The following RITA1 variants were observed in gnomAD, a reference collection of about 807,000 sequenced individuals.
The protein encoded by RITA1 is RBPJ interacting and tubulin associated 1, also known as RBPJ-interacting and tubulin-associated protein 1.
RITA1 carries 15 observed loss-of-function variants against 8.7 expected under a neutral mutation model. The observed-to-expected ratio is 1.72, with a 90% confidence interval of 1.15 to 2.65. The LOEUF (loss-of-function observed/expected upper bound fraction) is 2.65. RITA1 is among the 30% of genes most tolerant of loss of function. The pLI is 0.00. For missense variants in RITA1, 330 were observed against 363.8 expected (o/e 0.91, Z 0.76); for synonymous variants, 145 against 156.2 (o/e 0.93, Z 0.53).
At position 113,186,166 on chromosome 12, in the gene RITA1, T is replaced by G. The variant is rs1952534372; in HGVS notation, c.-196-19T>G. ...AAGTACACAAGCTCTGGACTCAGATTTCACTTCCACCGTTTTAGCTTTATA... is the reference window on the plus strand; with the variant it reads ...AAGTACACAAGCTCTGGACTCAGATGTCACTTCCACCGTTTTAGCTTTATA... On this transcript the variant is annotated intron_variant, in intron 1 of 3. Transcript: ENST00000548278. 7.2e-7 allele frequency: 1 copy of G among 1,398,196 alleles called. No individual in the cohort carries two copies. The highest frequency in any genetic ancestry group is 9.7e-7 in the Non-Finnish European group (1 of 1,032,184). The allele number at this position is 1,398,196 out of a possible 1,614,324, so 86.6% of individuals were successfully genotyped here. A position where few individuals can be genotyped will look rare whatever the true frequency, so the allele number is the denominator to read the frequency against.
intron 2 of RITA1, 138 bp downstream of exon 2, chr12:113,186,454 G>T: frequency 7.3e-7 from 1 of 1,362,012 alleles, no homozygotes; most frequent in South Asian, 1.7e-5. Context: ...CTCCTTCACC[G>T]CCAGAGTCAT....
At chr12:113,188,655 T>C (rs1400001665) in intron 3 of RITA1, among the ~76,000 whole-genome samples, 3 of 152,024 alleles carry the variant, frequency 2.0e-5, no homozygotes, top group African/African-American at 7.2e-5. Flanking sequence ...TCATTTTTTT[T>C]TAATCCTTCA....
In RITA1 at chr12:113,185,754, A is replaced by G. The variant is rs11544008; in HGVS notation, c.-464A>G. The G allele has an allele frequency of 3.4e-6, 2 of 584,496 alleles. No homozygotes were observed. Among genetic ancestry groups the G allele is most frequent in the Non-Finnish European group, 5.9e-6 (2 of 337,576 alleles). The allele number at this position is 584,496 out of a possible 1,614,324, so 36.2% of individuals were successfully genotyped here. ...TGGCTGCTCCCTGGTTGCTGGGTGC[A>G]AAGTGCTGGGTTCTGGGTTTCTGGA... is the stretch of plus-strand genomic sequence containing the variant. On this transcript the variant is annotated 5_prime_UTR_variant, in exon 1 of 4. Transcript: ENST00000548278.
chr12:113,190,766 C>T (rs1190936315), intron 3 of RITA1, among the ~76,000 whole-genome samples: 1 of 152,230 alleles, frequency 6.6e-6, no homozygotes, highest in African/African-American at 2.4e-5. Context: ...ATGTGGGGCT[C>T]CTGTAACAGG....
chr12:113,188,745 TTAGGATCCCCTACCC>T lies in RITA1; in HGVS notation c.302+1699_302+1713del, dbSNP rs1284773640. On this transcript the variant is annotated intron_variant, in intron 3 of 3. Transcript: ENST00000548278. ...TCATAAGGACACCAGTTCTATTGGA[TTAGGATCCCCTACCC>T]TTATAATGTTATTTAGCCTTAGTTA... is the stretch of plus-strand genomic sequence containing the variant. Among the ~76,000 whole-genome samples the T allele has an allele frequency of 6.0e-5, 9 of 149,612 alleles. No homozygotes were observed. In the South Asian group the frequency reaches 1.9e-3, roughly 32 times the overall value.
chr12:113,186,083 G>A lies in RITA1; in HGVS notation c.-197+62G>A, dbSNP rs558557474. The stretch of plus-strand genomic sequence containing the variant: ...ACTTTTTAATCGGGTCATTGATTTG[G>A]GAGTCGCAGAATGTGGGGCGGTGGG... On this transcript the variant is annotated intron_variant, in intron 1 of 3. Transcript: ENST00000548278. 2.0e-5 allele frequency: 30 copies of A among 1,535,366 alleles called. No individual in the cohort carries two copies. The African/African-American group carries it at 3.3e-4, about 17-fold the overall frequency.
Position 113,191,066 on chromosome 12 carries a change from T to C in RITA1, c.303-244T>C, listed in dbSNP as rs562101973. On this transcript the variant is annotated intron_variant, in intron 3 of 3. Coordinates refer to ENST00000548278, the MANE Select transcript of RITA1 (RefSeq NM_032848.3). The surrounding 1 kb of genome is among the most constrained non-coding windows in gnomAD (Gnocchi z 4.0). The stretch of plus-strand genomic sequence containing the variant: ...AAATTGTCCAGGCCTGGGGCACATG[T>C]CTGGGAATGGGGTCAGGATGCAGGG... 5.3e-5 allele frequency among the ~76,000 whole-genome samples: 8 copies of C among 152,236 alleles called. No homozygotes were observed. Among genetic ancestry groups the C allele is most frequent in the African/African-American group, 1.4e-4 (6 of 41,536 alleles).
intron 3 of RITA1, among the ~76,000 whole-genome samples, chr12:113,188,467 G>A (rs1337783010): frequency 1.3e-5 from 2 of 151,884 alleles, no homozygotes; most frequent in African/African-American, 2.4e-5. Context: ...TTGGCCTCCC[G>A]AAGTGCTGGG....
chr12:113,188,428 T>C (rs1419556017), intron 3 of RITA1, among the ~76,000 whole-genome samples: 1 of 151,942 alleles, frequency 6.6e-6, no homozygotes, highest in Admixed American at 6.6e-5. Context: ...AGGCTGATCT[T>C]GAACTCCCGA....
chr12:113,185,946 G>A lies in RITA1; in HGVS notation c.-272G>A, dbSNP rs976228229. On this transcript the variant is annotated 5_prime_UTR_variant, in exon 1 of 4. Coordinates refer to ENST00000548278, the MANE Select transcript of RITA1 (RefSeq NM_032848.3). ...CGCGCGCCCCCGCGCCCTCACCGAC[G>A]GGTCCAGACCTGGTGGGAAGAAGGT... The A allele has an allele frequency of 3.9e-6, 6 of 1,520,412 alleles. No homozygotes were observed. The African/African-American group carries it at 6.9e-5, about 17-fold the overall frequency. 94.2% of individuals were successfully genotyped at this position (1,520,412 alleles called of 1,614,324 possible).
intron 3 of RITA1, among the ~76,000 whole-genome samples, chr12:113,188,573 G>A (rs1457913036): frequency 6.6e-6 from 1 of 151,914 alleles, no homozygotes; most frequent in Non-Finnish European, 1.5e-5. Context: ...TGGCAGGTTT[G>A]GTTTCTCCTG....
Position 113,191,807 on chromosome 12 carries a change from C to G in RITA1, c.800C>G (p.Pro267Arg). The change falls in exon 4 of 4, where the codon CCT becomes CGT. Residue 267 changes from proline (P) to arginine (R), a missense_variant. Transcript: ENST00000548278. The surrounding 1 kb of genome is among the most constrained non-coding windows in gnomAD (Gnocchi z 4.0). Reference sequence around the variant, plus strand: ...GGGGCCACCCAGAAACCAAAGCCCCCTTGGAAATGATACTCTTTCATCAGG... The same window carrying G: ...GGGGCCACCCAGAAACCAAAGCCCCGTTGGAAATGATACTCTTTCATCAGG... ...RGGATQKPKP[P>R]WK is the part of the protein sequence containing the mutation. The G allele has an allele frequency of 6.2e-7, 1 of 1,600,968 alleles. No individual in the cohort carries two copies. The highest frequency in any genetic ancestry group is 8.5e-7 in the Non-Finnish European group (1 of 1,172,338).
At position 113,191,605 on chromosome 12, in the gene RITA1, C is replaced by G; in HGVS notation, c.598C>G (p.His200Asp). The change falls in exon 4 of 4, where the codon CAT (histidine) becomes GAT (aspartate). Residue 200 changes from histidine to aspartate, a missense_variant. His to Asp is a moderately conservative substitution (Grantham distance 81). Coordinates refer to ENST00000548278, the MANE Select transcript of RITA1 (RefSeq NM_032848.3). The surrounding 1 kb of genome is among the most constrained non-coding windows in gnomAD (Gnocchi z 4.0). ...ACGCCCCCTGAAGCGGGGACTTTCCCATTCCCTCACCCACCTGAATGTCCC... is the reference window on the plus strand; with the variant it reads ...ACGCCCCCTGAAGCGGGGACTTTCCGATTCCCTCACCCACCTGAATGTCCC... ...SSRPLKRGLS[H>D]SLTHLNVPST... The G allele has an allele frequency of 6.2e-7, 1 of 1,614,148 alleles. No homozygotes were observed. Among genetic ancestry groups the G allele is most frequent in the East Asian group, 2.2e-5 (1 of 44,882 alleles).
Position 113,186,159 on chromosome 12 carries a change from C to T in RITA1, c.-196-26C>T, listed in dbSNP as rs1952534232. 5.0e-6 allele frequency: 7 copies of T among 1,408,192 alleles called. 1 individual carries two copies. The South Asian group carries it at 7.6e-5, about 15-fold the overall frequency. 87.2% of individuals were successfully genotyped at this position (1,408,192 alleles called of 1,614,324 possible). ...TGTAGCCAAGTACACAAGCTCTGGA[C>T]TCAGATTTCACTTCCACCGTTTTAG... On this transcript the variant is annotated intron_variant, in intron 1 of 3. Transcript: ENST00000548278.
At chr12:113,190,627 A>G (rs1952589883) in intron 3 of RITA1, among the ~76,000 whole-genome samples, 1 of 152,218 alleles carries the variant, frequency 6.6e-6, no homozygotes, top group African/African-American at 2.4e-5. Context: ...CCACTTGAAC[A>G]ACAGAGTGAG....
Position 113,191,127 on chromosome 12 carries a change from C to CG in RITA1, c.303-178dup, listed in dbSNP as rs1420809610. Among the ~76,000 whole-genome samples, 1 of 152,070 alleles carries CG rather than the reference C, an allele frequency of 6.6e-6. No homozygotes were observed. Among genetic ancestry groups the CG allele is most frequent in the Non-Finnish European group, 1.5e-5 (1 of 68,026 alleles). On this transcript the variant is annotated intron_variant, in intron 3 of 3. Coordinates refer to ENST00000548278, the MANE Select transcript of RITA1 (RefSeq NM_032848.3). This position sits in a 1 kb window ranked among gnomAD's most constrained non-coding sequence, Gnocchi z 4.0. ...TTTCGCAGGGAAAATCAGCAGAGAC[C>CG]GGGGGCAGTGGTGCTTAAGAGGCTG...
intron 3 of RITA1, among the ~76,000 whole-genome samples, chr12:113,188,879 C>G (rs776788019): frequency 7.8e-6 from 1 of 127,468 alleles, no homozygotes; most frequent in Non-Finnish European, 1.6e-5. Context: ...GGCACCATCT[C>G]GGATCACTGC....
In RITA1 at chr12:113,191,837, C is replaced by T. The variant is rs1335222686; in HGVS notation, c.*20C>T. 1.3e-6 allele frequency: 2 copies of T among 1,573,364 alleles called. No homozygotes were observed. The highest frequency in any genetic ancestry group is 8.6e-7 in the Non-Finnish European group (1 of 1,157,990). ...AAATGATACTCTTTCATCAGGGTTG[C>T]CTATGGGGCCACGGCGACAGGTATG... On this transcript the variant is annotated 3_prime_UTR_variant, in exon 4 of 4. Transcript: ENST00000548278. The surrounding 1 kb of genome is among the most constrained non-coding windows in gnomAD (Gnocchi z 4.0).
Position 113,187,732 on chromosome 12 carries a change from G to A in RITA1, c.302+684G>A, listed in dbSNP as rs569871189. Among the ~76,000 whole-genome samples the A allele has an allele frequency of 1.4e-4, 18 of 126,860 alleles. No homozygotes were observed. In the South Asian group the frequency reaches 4.4e-3, roughly 31 times the overall value. 83.2% of individuals were successfully genotyped at this position (126,860 alleles called of 152,430 possible). A position where few individuals can be genotyped will look rare whatever the true frequency, so the allele number is the denominator to read the frequency against. ...AGATCACGCCTCTGCACTCCAGCCT[G>A]AGTGACAGAGTGAGACCCTGTCTCC... On this transcript the variant is annotated intron_variant, in intron 3 of 3. Transcript: ENST00000548278.
Sources: allele counts gnomAD v4.1 joint callset (sites outside exome capture counted in the v4.1 genomes callset), GRCh38; gene constraint gnomAD v4.1.1; non-coding constraint Gnocchi (gnomAD v3.1); transcripts MANE v1.5; gene names NCBI Gene and HGNC (gene_info 2026-07-23, HGNC 2026-07-21).